The following PICALM variants were observed in gnomAD, a reference collection of about 807,000 sequenced individuals.
The protein encoded by PICALM is phosphatidylinositol-binding clathrin assembly protein.
A neutral mutation model predicts 80.5 loss-of-function variants in PICALM; 40 were observed. That is an observed-to-expected ratio of 0.50 (90% CI 0.39 to 0.65). The LOEUF (loss-of-function observed/expected upper bound fraction) is 0.65. Ranked by LOEUF, PICALM falls within the 30% of genes least tolerant of loss-of-function variation. The probability of loss-of-function intolerance (pLI) is 0.00; values close to 1 mark genes in which losing one functional copy is unlikely to be tolerated. For missense variants in PICALM, 676 were observed against 778.9 expected (o/e 0.87, Z 1.57); for synonymous variants, 288 against 260.3 (o/e 1.11, Z -1.02).
At chr11:85,968,827 G>C (rs887549897) in intron 19 of PICALM, among the ~76,000 whole-genome samples, 1 of 152,096 alleles carries the variant, frequency 6.6e-6, no homozygotes, top group African/African-American at 2.4e-5. Flanking sequence ...CTAGGAAGAT[G>C]CACTAATGTA....
At chr11:86,061,470 A>C (rs1441624372) in intron 1 of PICALM, among the ~76,000 whole-genome samples, 1 of 152,178 alleles carries the variant, frequency 6.6e-6, no homozygotes, top group Non-Finnish European at 1.5e-5. Flanking sequence ...ACCTTAACGG[A>C]CACCTCACTA....
rs1056001160 is a variant in PICALM at position 85,957,814 on chromosome 11, C to T, written c.*1232G>A. The T allele has an allele frequency of 3.2e-5, 7 of 221,874 alleles. No individual in the cohort carries two copies. The highest frequency in any genetic ancestry group is 1.6e-4 in the African/African-American group (7 of 44,656). The allele number at this position is 221,874 out of a possible 1,614,324, so 13.7% of individuals were successfully genotyped here. ...TTAAACTCATGTACAGAATTGCTTT[C>T]CTACAATGAACTGTCCTTCTTAAGG... On this transcript the variant is annotated 3_prime_UTR_variant, in exon 20 of 20. Transcript: ENST00000393346.
At chr11:85,961,826 T>C (rs1260542689) in intron 19 of PICALM, among the ~76,000 whole-genome samples, 1 of 151,896 alleles carries the variant, frequency 6.6e-6, no homozygotes, top group Non-Finnish European at 1.5e-5. Flanking sequence ...ATTTCTTTGC[T>C]GGTGCCAAGT....
chr11:86,029,154 T>C (rs1056084729), intron 2 of PICALM, among the ~76,000 whole-genome samples: 1 of 152,114 alleles, frequency 6.6e-6, no homozygotes, highest in Admixed American at 6.5e-5. Context: ...TGTGCATTAT[T>C]GTAAGATGTT....
At chr11:85,997,835 T>C (rs2095024434) in intron 11 of PICALM, among the ~76,000 whole-genome samples, 1 of 151,992 alleles carries the variant, frequency 6.6e-6, no homozygotes, top group Non-Finnish European at 1.5e-5. Flanking sequence ...CAGGCTGGAG[T>C]GCAGTGATGT....
chr11:85,960,048 T>C (rs991825467), intron 19 of PICALM, among the ~76,000 whole-genome samples: 3 of 152,132 alleles, frequency 2.0e-5, no homozygotes, highest in Admixed American at 6.5e-5. Context: ...TTCCAAATGA[T>C]ATACAATTAG....
At chr11:85,996,678 T>C in intron 12 of PICALM, 148 bp downstream of exon 12, 4 of 545,268 alleles carry the variant, frequency 7.3e-6, no homozygotes, top group Non-Finnish European at 6.5e-6. Flanking sequence ...TGAACATACC[T>C]TCAAGGGATA....
chr11:85,996,192 C>T (rs2094954308), intron 12 of PICALM, among the ~76,000 whole-genome samples: 1 of 151,914 alleles, frequency 6.6e-6, no homozygotes, highest in Non-Finnish European at 1.5e-5. Context: ...ACTATAAAAA[C>T]TCATTAGAAT....
chr11:86,031,387 T>G (rs2095749384), intron 2 of PICALM, 82 bp downstream of exon 2: 1 of 1,066,478 alleles, frequency 9.4e-7, no homozygotes, highest in Middle Eastern at 2.8e-4. Context: ...ACCTGGGAGC[T>G]GTTTCTGAAG....
chr11:86,018,211 G>A (rs2095510055), intron 4 of PICALM, among the ~76,000 whole-genome samples: 1 of 152,168 alleles, frequency 6.6e-6, no homozygotes, highest in South Asian at 2.1e-4. Context: ...TAGAGAAGCT[G>A]TCAATGGACA....
At chr11:86,013,946 T>C (rs544684283) in intron 5 of PICALM, among the ~76,000 whole-genome samples, 1 of 152,336 alleles carries the variant, frequency 6.6e-6, no homozygotes, top group South Asian at 2.1e-4. Flanking sequence ...GAAGTTGGAA[T>C]TTCATGTAAC....
At chr11:86,038,235 G>A (rs1277383053) in intron 1 of PICALM, among the ~76,000 whole-genome samples, 2 of 151,924 alleles carry the variant, frequency 1.3e-5, no homozygotes, top group African/African-American at 4.8e-5. Context: ...CAGGAGAATC[G>A]CTTGAACCCA....
intron 17 of PICALM, among the ~76,000 whole-genome samples, chr11:85,979,146 T>G (rs1403101854): frequency 1.3e-5 from 2 of 152,196 alleles, no homozygotes; most frequent in Admixed American, 6.5e-5. Flanking sequence ...TTTAAGATTG[T>G]GTATTTGTGT....
chr11:86,064,356 T>A (rs1236369902), intron 1 of PICALM, among the ~76,000 whole-genome samples: 1 of 151,886 alleles, frequency 6.6e-6, no homozygotes, highest in Non-Finnish European at 1.5e-5. Flanking sequence ...CTGGGGAAAA[T>A]ATGAATTAAA....
At chr11:86,063,444 T>C (rs545073948) in intron 1 of PICALM, among the ~76,000 whole-genome samples, 14 of 152,276 alleles carry the variant, frequency 9.2e-5, no homozygotes, top group African/African-American at 3.1e-4. Flanking sequence ...GGAACAATAA[T>C]TACAAAAGTA....
intron 1 of PICALM, 115 bp downstream of exon 1, chr11:86,068,536 A>G: frequency 3.0e-6 from 3 of 994,094 alleles, no homozygotes. Flanking sequence ...GCCGTGCCAG[A>G]GAAGACGCAG....
intron 19 of PICALM, among the ~76,000 whole-genome samples, chr11:85,960,458 ATTACT>A (rs2093652324): frequency 6.6e-6 from 1 of 151,994 alleles, no homozygotes; most frequent in Non-Finnish European, 1.5e-5. Flanking sequence ...AGTGGATGAG[ATTACT>A]TTAAATAATT....
chr11:86,038,965 C>CTGGA (rs2095896198), intron 1 of PICALM, among the ~76,000 whole-genome samples: 1 of 151,796 alleles, frequency 6.6e-6, no homozygotes, highest in South Asian at 2.1e-4. Flanking sequence ...CAAAAATTAG[C>CTGGA]TGGACGTGGT....
rs115925655 is a variant in PICALM at position 86,041,338 on chromosome 11, A to T, written c.131-9727T>A. ...ATATTAGCAATCTAGAGAGCAGCAT[A>T]ATTGCTTTTTCAAGTTTATACCACC... On this transcript the variant is annotated intron_variant, in intron 1 of 19. Coordinates refer to ENST00000393346, the MANE Select transcript of PICALM (RefSeq NM_007166.4). 1.1e-3 allele frequency among the ~76,000 whole-genome samples: 175 copies of T among 152,286 alleles called. 1 individual carries two copies. Among genetic ancestry groups the T allele is most frequent in the African/African-American group, 4.1e-3 (172 of 41,550 alleles).
Sources: gnomAD v4.1 joint callset for allele counts (sites outside exome capture counted in the v4.1 genomes callset) on GRCh38, gnomAD v4.1.1 for gene constraint, MANE v1.5 for transcripts, NCBI Gene and HGNC (gene_info 2026-07-23, HGNC 2026-07-21) for gene names.